The following SUCLG2 variants were observed in gnomAD, a reference collection of about 807,000 sequenced individuals.
SUCLG2 encodes the protein succinate-CoA ligase GDP-forming subunit beta.
A neutral mutation model predicts 47.9 loss-of-function variants in SUCLG2; 42 were observed. That is an observed-to-expected ratio of 0.88 (90% CI 0.69 to 1.14). The LOEUF (loss-of-function observed/expected upper bound fraction) is 1.14, where lower values mean the gene tolerates loss of function less well. Ranked by LOEUF, SUCLG2 falls within the 50% of genes most tolerant of loss-of-function variation. SUCLG2 has a pLI of 0.00. For missense variants in SUCLG2, 571 were observed against 525.9 expected, an observed-to-expected ratio of 1.09 and a Z score of -0.84; for synonymous variants, 195 against 197.3, an observed-to-expected ratio of 0.99 and a Z score of 0.10.
chr3:67,602,305 T>C (rs888955455), intron 2 of SUCLG2, among the ~76,000 whole-genome samples: 13 of 152,192 alleles, frequency 8.5e-5, no homozygotes, highest in African/African-American at 1.4e-4. Flanking sequence ...AGTAGGCTGT[T>C]AAAATTGAAG....
intron 4 of SUCLG2, among the ~76,000 whole-genome samples, chr3:67,524,792 T>C (rs781446440): frequency 1.1e-4 from 16 of 151,992 alleles, no homozygotes; most frequent in Non-Finnish European, 1.6e-4. Context: ...GCTAGGGAGC[T>C]TGAGGTCCAA....
chr3:67,374,753 G>A lies in SUCLG2; in HGVS notation c.*991C>T. 1 of 916,302 alleles carries A rather than the reference G, an allele frequency of 1.1e-6. No individual in the cohort carries two copies. The highest frequency in any genetic ancestry group is 1.3e-6 in the Non-Finnish European group (1 of 767,494). The allele number at this position is 916,302 out of a possible 1,614,324, so 56.8% of individuals were successfully genotyped here. Reference sequence around the variant, plus strand: ...ACAAAACATAATTTTATTTAAATTTGTATAGATAAAAATCTACCAAAATTT... The same window carrying A: ...ACAAAACATAATTTTATTTAAATTTATATAGATAAAAATCTACCAAAATTT... On this transcript the variant is annotated 3_prime_UTR_variant, in exon 11 of 11. Transcript: ENST00000307227.
chr3:67,517,418 A>G (rs1421730724), intron 6 of SUCLG2, among the ~76,000 whole-genome samples: 1 of 152,188 alleles, frequency 6.6e-6, no homozygotes. Context: ...CAGGCCAGAG[A>G]ACATACACAC....
At chr3:67,425,504 T>C (rs574185341) in intron 9 of SUCLG2, among the ~76,000 whole-genome samples, 54 of 152,208 alleles carry the variant, frequency 3.5e-4, no homozygotes, top group African/African-American at 1.2e-3. Flanking sequence ...ATCCAATCTG[T>C]TGGGGGCCTA....
At chr3:67,487,836 T>C (rs1314563893) in intron 9 of SUCLG2, among the ~76,000 whole-genome samples, 2 of 152,158 alleles carry the variant, frequency 1.3e-5, no homozygotes, top group Admixed American at 1.3e-4. Flanking sequence ...TCTAGGAATT[T>C]ATCTTATATG....
At chr3:67,592,398 G>A (rs749699143) in intron 2 of SUCLG2, among the ~76,000 whole-genome samples, 1 of 152,088 alleles carries the variant, frequency 6.6e-6, no homozygotes, top group Non-Finnish European at 1.5e-5. Context: ...GAAGGAAGAA[G>A]ATCTTATTGA....
At chr3:67,574,345 C>T (rs1707690605) in intron 2 of SUCLG2, among the ~76,000 whole-genome samples, 1 of 152,188 alleles carries the variant, frequency 6.6e-6, no homozygotes, top group South Asian at 2.1e-4. Flanking sequence ...TGGGGAACTA[C>T]TTTTCTAATG....
At chr3:67,628,126 T>C (rs1700866404) in intron 1 of SUCLG2, among the ~76,000 whole-genome samples, 2 of 152,172 alleles carry the variant, frequency 1.3e-5, no homozygotes, top group South Asian at 4.1e-4. Context: ...AAAGCAGGAA[T>C]AGGAAGACAT....
Position 67,482,210 on chromosome 3 carries a change from G to A in SUCLG2, c.1062+13588C>T, listed in dbSNP as rs191937256. Among the ~76,000 whole-genome samples, 399 of 152,238 alleles carry A rather than the reference G, an allele frequency of 2.6e-3. 4 individuals are homozygous for A. Among genetic ancestry groups the A allele is most frequent in the Middle Eastern group, 6.8e-3 (2 of 294 alleles). Reference sequence around the variant, plus strand: ...AGGAAGGAAGGAAGGAAGGAAGGAAGAGAGGGAGGGAGGGAAGGAAGAAAG... The same window carrying A: ...AGGAAGGAAGGAAGGAAGGAAGGAAAAGAGGGAGGGAGGGAAGGAAGAAAG... On this transcript the variant is annotated intron_variant, in intron 9 of 10. Coordinates refer to ENST00000307227, the MANE Select transcript of SUCLG2 (RefSeq NM_003848.4).
At chr3:67,600,886 C>T (rs1708404511) in intron 2 of SUCLG2, among the ~76,000 whole-genome samples, 1 of 152,108 alleles carries the variant, frequency 6.6e-6, no homozygotes, top group African/African-American at 2.4e-5. Flanking sequence ...GAACATCATG[C>T]TAGATTTGTA....
chr3:67,423,238 G>A (rs563534254), intron 9 of SUCLG2, among the ~76,000 whole-genome samples: 2 of 152,130 alleles, frequency 1.3e-5, no homozygotes, highest in South Asian at 2.1e-4. Context: ...GGCATTTCCC[G>A]TGCTTGCATT....
intron 10 of SUCLG2, among the ~76,000 whole-genome samples, chr3:67,362,525 G>A (rs1210886124): frequency 6.6e-6 from 1 of 151,930 alleles, no homozygotes; most frequent in South Asian, 2.1e-4. Flanking sequence ...TTTTTTGTGT[G>A]TGTGTGATAG....
At chr3:67,442,089 C>A (rs1466765849) in intron 9 of SUCLG2, among the ~76,000 whole-genome samples, 1 of 144,990 alleles carries the variant, frequency 6.9e-6, no homozygotes, top group Admixed American at 6.9e-5. Flanking sequence ...CAGCTCACTG[C>A]AAGCTCCACC....
rs568608421 is a variant in SUCLG2 at position 67,534,241 on chromosome 3, GA to G, written c.227-5056del. On this transcript the variant is annotated intron_variant, in intron 2 of 10. Coordinates refer to ENST00000307227, the MANE Select transcript of SUCLG2 (RefSeq NM_003848.4). Reference sequence around the variant, plus strand: ...CCCTTTGAATATGATTCCCTATTATGAAAAAAAATCCTTTCTTTGGATACTG... The same window carrying G: ...CCCTTTGAATATGATTCCCTATTATGAAAAAAATCCTTTCTTTGGATACTG... Among the ~76,000 whole-genome samples the G allele has an allele frequency of 5.3e-5, 8 of 151,584 alleles. No homozygotes were observed. The South Asian group carries it at 1.5e-3, about 28-fold the overall frequency.
chr3:67,582,907 C>G (rs1201769580), intron 2 of SUCLG2, among the ~76,000 whole-genome samples: 4 of 152,124 alleles, frequency 2.6e-5, no homozygotes, highest in South Asian at 4.2e-4. Flanking sequence ...CACGATAATT[C>G]TCCCATAAGG....
At chr3:67,530,249 C>T (rs912229309) in intron 2 of SUCLG2, among the ~76,000 whole-genome samples, 6 of 152,188 alleles carry the variant, frequency 3.9e-5, no homozygotes, top group East Asian at 3.9e-4. Context: ...CTCTGAAACT[C>T]GGTTTATTCA....
At chr3:67,451,441 GA>G (rs1704054433) in intron 9 of SUCLG2, among the ~76,000 whole-genome samples, 1 of 152,172 alleles carries the variant, frequency 6.6e-6, no homozygotes, top group African/African-American at 2.4e-5. Context: ...ACAGTTGTCA[GA>G]AAAGAGTGAC....
chr3:67,411,288 A>C (rs1382742284), intron 9 of SUCLG2, among the ~76,000 whole-genome samples: 1 of 152,178 alleles, frequency 6.6e-6, no homozygotes, highest in Admixed American at 6.5e-5. Flanking sequence ...TTCACACTTC[A>C]CACCACAGAG....
intron 9 of SUCLG2, among the ~76,000 whole-genome samples, chr3:67,410,812 T>C (rs1331743344): frequency 1.3e-5 from 2 of 152,194 alleles, no homozygotes; most frequent in Non-Finnish European, 2.9e-5. Flanking sequence ...CAGAAATATT[T>C]GGTTACAAAA....
Sources: gnomAD v4.1 joint callset for allele counts (sites outside exome capture counted in the v4.1 genomes callset) on GRCh38, gnomAD v4.1.1 for gene constraint, MANE v1.5 for transcripts, NCBI Gene and HGNC (gene_info 2026-07-23, HGNC 2026-07-21) for gene names.